TCTN2: variants seen among roughly 807,000 people sequenced by gnomAD.
TCTN2 encodes tectonic family member 2, also known as tectonic-2.
In TCTN2, 66 loss-of-function variants were observed where a neutral mutation model predicts 83.4. The observed-to-expected ratio is 0.79, with a 90% CI of 0.65 to 0.97. The LOEUF (loss-of-function observed/expected upper bound fraction) is 0.97. Among genes scored for constraint, TCTN2 ranks in the 50% least tolerant of loss-of-function variants. The pLI, the probability that TCTN2 is intolerant of heterozygous loss-of-function variation, is 0.00. For synonymous variants in TCTN2, 301 were observed against 326.7 expected, an observed-to-expected ratio of 0.92 and a Z score of 0.85; for missense variants, 794 against 858.1, an observed-to-expected ratio of 0.93 and a Z score of 0.93.
At chr12:123,698,097 C>T (rs769981724) in intron 13 of TCTN2, among the ~76,000 whole-genome samples, 16 of 152,106 alleles carry the variant, frequency 1.1e-4, no homozygotes, top group Non-Finnish European at 1.5e-4. Context: ...GGCTGGAGTG[C>T]AATGGCATAA....
rs761574856 is a variant in TCTN2 at position 123,686,871 on chromosome 12, G to A, written c.600G>A (p.Arg200=). ...CAAATTTAACAACGCTGTTCAGACGGTCCTGCTTCACCGGCGTGTTTGGAG... is the reference window on the plus strand; with the variant it reads ...CAAATTTAACAACGCTGTTCAGACGATCCTGCTTCACCGGCGTGTTTGGAG... ...CSSNLTTLFR[R]SCFTGVFGGD... is the part of the protein sequence containing the mutation. The change falls in exon 6 of 18, where the codon CGG becomes CGA. Residue 200 remains arginine, a synonymous_variant. Transcript: ENST00000303372. The A allele has an allele frequency of 1.4e-5, 22 of 1,614,210 alleles. No homozygotes were observed. Among genetic ancestry groups the A allele is most frequent in the Non-Finnish European group, 1.8e-5 (21 of 1,180,052 alleles).
intron 5 of TCTN2, among the ~76,000 whole-genome samples, chr12:123,683,274 A>C (rs1955922056): frequency 6.6e-6 from 1 of 151,334 alleles, no homozygotes. Flanking sequence ...GATTCTATTT[A>C]TTTATTTATT....
At chr12:123,702,208 C>G (rs944727035) in intron 14 of TCTN2, among the ~76,000 whole-genome samples, 1 of 152,146 alleles carries the variant, frequency 6.6e-6, no homozygotes, top group African/African-American at 2.4e-5. Flanking sequence ...AGAAAGAGCC[C>G]AATGAGTGTG....
chr12:123,674,657 G>T (rs965262405), intron 4 of TCTN2, among the ~76,000 whole-genome samples: 20 of 152,156 alleles, frequency 1.3e-4, no homozygotes, highest in African/African-American at 4.8e-4. Flanking sequence ...GCTTTGGGAG[G>T]CCAAGGCGGG....
At chr12:123,694,296 T>A (rs1956081964) in intron 9 of TCTN2, among the ~76,000 whole-genome samples, 1 of 152,184 alleles carries the variant, frequency 6.6e-6, no homozygotes, top group Admixed American at 6.5e-5. Flanking sequence ...CCCGGCCTAA[T>A]TTTTGTATTT....
At chr12:123,684,846 T>C (rs894029874) in intron 5 of TCTN2, among the ~76,000 whole-genome samples, 1 of 151,922 alleles carries the variant, frequency 6.6e-6, no homozygotes, top group Non-Finnish European at 1.5e-5. Flanking sequence ...GGTCAGGAGA[T>C]AGAGAACATC....
At chr12:123,672,269 G>C (rs1304005705) in intron 3 of TCTN2, 137 bp downstream of exon 3, 14 of 837,522 alleles carry the variant, frequency 1.7e-5, no homozygotes, top group Non-Finnish European at 2.6e-5. Flanking sequence ...TGTTGGATCT[G>C]GTAGACACTT....
Position 123,688,028 on chromosome 12 carries a change from C to T in TCTN2, c.765-23C>T, listed in dbSNP as rs372823085. 3.2e-5 allele frequency: 51 copies of T among 1,613,174 alleles called. No homozygotes were observed. In the African/African-American group the frequency reaches 6.1e-4, roughly 19 times the overall value. ...GTTTTAGCAGATAACTGAAACTATT[C>T]AGCCTTTCTTATTGATTTTCAGTTC... On this transcript the variant is annotated intron_variant, in intron 6 of 17. Coordinates refer to ENST00000303372, the MANE Select transcript of TCTN2 (RefSeq NM_024809.5).
chr12:123,676,195 G>A (rs1487203883), intron 4 of TCTN2, among the ~76,000 whole-genome samples: 2 of 152,008 alleles, frequency 1.3e-5, no homozygotes, highest in African/African-American at 4.8e-5. Context: ...TCGGGGGATC[G>A]CTTGAGCCCA....
intron 8 of TCTN2, among the ~76,000 whole-genome samples, chr12:123,691,329 A>G (rs550936520): frequency 6.6e-6 from 1 of 152,252 alleles, no homozygotes; most frequent in South Asian, 2.1e-4. Context: ...AGCTCCTGGC[A>G]GCCACCAATC....
chr12:123,687,670 CA>C (rs1566252458), intron 6 of TCTN2, among the ~76,000 whole-genome samples: 6 of 148,308 alleles, frequency 4.0e-5, no homozygotes, highest in African/African-American at 1.5e-4. Context: ...CAAAACAAAA[CA>C]AAGTAAAGAG....
intron 10 of TCTN2, 96 bp downstream of exon 10, chr12:123,695,072 T>C: frequency 6.5e-7 from 1 of 1,545,242 alleles, no homozygotes; most frequent in Non-Finnish European, 8.9e-7. Flanking sequence ...AAAACTAAGT[T>C]GGACTTGTTT....
intron 5 of TCTN2, among the ~76,000 whole-genome samples, chr12:123,681,756 A>G (rs1026484655): frequency 3.3e-5 from 5 of 152,040 alleles, no homozygotes; most frequent in Admixed American, 2.6e-4. Flanking sequence ...TTGGGGATAT[A>G]TATAGTGGAG....
chr12:123,694,501 G>C (rs191753082), intron 9 of TCTN2, among the ~76,000 whole-genome samples: 6 of 152,258 alleles, frequency 3.9e-5, no homozygotes, highest in Non-Finnish European at 7.3e-5. Context: ...GCGGGCCCCT[G>C]CCCTGGCGGA....
At chr12:123,694,777 C>T in intron 9 of TCTN2, 65 bp from the exon 10 acceptor site, 1 of 1,578,834 alleles carries the variant, frequency 6.3e-7, no homozygotes, top group Non-Finnish European at 8.7e-7. Flanking sequence ...CAGAGAGAAC[C>T]TCCCAGTAAC....
At chr12:123,703,982 G>A (rs894515294) in intron 14 of TCTN2, among the ~76,000 whole-genome samples, 4 of 150,822 alleles carry the variant, frequency 2.7e-5, no homozygotes, top group Non-Finnish European at 5.9e-5. Context: ...AAGTTCCAGT[G>A]ACTGGCTAAC....
Position 123,671,794 on chromosome 12 carries a change from A to G in TCTN2, c.190+180A>G, listed in dbSNP as rs1477661406. 2.0e-5 allele frequency among the ~76,000 whole-genome samples: 3 copies of G among 152,238 alleles called. No individual in the cohort carries two copies. The East Asian group carries it at 5.8e-4, about 29-fold the overall frequency. On this transcript the variant is annotated intron_variant, in intron 2 of 17. Coordinates refer to ENST00000303372, the MANE Select transcript of TCTN2 (RefSeq NM_024809.5). ...AGGACAGACGGACAGGTTCGAAGAA[A>G]GCCTGAAATAATAATGGTTAGCATT...
intron 13 of TCTN2, among the ~76,000 whole-genome samples, chr12:123,697,569 G>A (rs1367944843): frequency 6.6e-6 from 1 of 151,918 alleles, no homozygotes; most frequent in South Asian, 2.1e-4. Flanking sequence ...GTGCGATCTC[G>A]GCTCATTGCA....
chr12:123,699,707 G>T lies in TCTN2; in HGVS notation c.1509G>T (p.Glu503Asp), dbSNP rs143000636. Residue 503 changes from glutamate to aspartate, a missense_variant, in exon 14 of 18, where the codon GAG becomes GAT. Physicochemically the swap from Glu to Asp is conservative, Grantham distance 45. Coordinates refer to ENST00000303372, the MANE Select transcript of TCTN2 (RefSeq NM_024809.5). Reference protein sequence around the residue: ...GINENCTQLRENAVERLDSLI... With the variant: ...GINENCTQLRDNAVERLDSLI... Reference sequence around the variant, plus strand: ...GAAATGTCTTACTCTCTTGCAGGGAGAATGCTGTTGAAAGACTTGATTCAT... The same window carrying T: ...GAAATGTCTTACTCTCTTGCAGGGATAATGCTGTTGAAAGACTTGATTCAT... 1.1e-5 allele frequency: 17 copies of T among 1,612,304 alleles called. No individual in the cohort carries two copies. Among genetic ancestry groups the T allele is most frequent in the Non-Finnish European group, 1.4e-5 (17 of 1,178,684 alleles).
Sources: gnomAD v4.1 joint callset for allele counts (sites outside exome capture counted in the v4.1 genomes callset) on GRCh38, gnomAD v4.1.1 for gene constraint, MANE v1.5 for transcripts, NCBI Gene and HGNC (gene_info 2026-07-23, HGNC 2026-07-21) for gene names.